Variants in IQCH observed in about 807,000 individuals in gnomAD.
IQCH encodes the protein IQ motif containing H, also known as IQ domain-containing protein H.
IQCH carries 98 observed loss-of-function variants against 117.0 expected under a neutral mutation model. The observed-to-expected ratio is 0.84, with a 90% CI of 0.71 to 0.99. The LOEUF (loss-of-function observed/expected upper bound fraction) is 0.99. IQCH is among the 50% of genes least tolerant of loss of function. The pLI, the probability that IQCH is intolerant of heterozygous loss-of-function variation, is 0.00. For synonymous variants in IQCH, 412 were observed against 448.2 expected (o/e 0.92, Z 1.02); for missense variants, 1,102 against 1,243.8 (o/e 0.89, Z 1.72).
intron 16 of IQCH, among the ~76,000 whole-genome samples, chr15:67,448,673 C>T (rs980805355): frequency 2.6e-5 from 4 of 151,976 alleles, no homozygotes; most frequent in African/African-American, 7.3e-5. Context: ...TGAGTAGTGC[C>T]GCAATAAACA....
At chr15:67,371,722 A>G (rs776653664) in intron 8 of IQCH, among the ~76,000 whole-genome samples, 1 of 152,230 alleles carries the variant, frequency 6.6e-6, no homozygotes, top group Non-Finnish European at 1.5e-5. Context: ...AGACTGGTGG[A>G]TAAGTTGTGA....
At chr15:67,410,571 T>A (rs1208132104) in intron 14 of IQCH, among the ~76,000 whole-genome samples, 1 of 152,250 alleles carries the variant, frequency 6.6e-6, no homozygotes, top group African/African-American at 2.4e-5. Context: ...ATTGGTCTAA[T>A]TGGGTCATTT....
chr15:67,276,538 T>C (rs1273462678), intron 3 of IQCH, among the ~76,000 whole-genome samples: 1 of 152,194 alleles, frequency 6.6e-6, no homozygotes, highest in Non-Finnish European at 1.5e-5. Context: ...GGCAACAAAT[T>C]CTCTTAGTTG....
Position 67,431,060 on chromosome 15 carries a change from G to A in IQCH, c.2505+9483G>A, listed in dbSNP as rs1375784111. Among the ~76,000 whole-genome samples, 3 of 152,106 alleles carry A rather than the reference G, an allele frequency of 2.0e-5. No individual in the cohort carries two copies. The East Asian group carries it at 5.8e-4, about 29-fold the overall frequency. The stretch of plus-strand genomic sequence containing the variant: ...GAAAGAAAATTAGGATATGAGGAGG[G>A]TAAGAAAGAGTGTATTCCAAGTGAG... On this transcript the variant is annotated intron_variant, in intron 16 of 20. Coordinates refer to ENST00000335894, the MANE Select transcript of IQCH (RefSeq NM_001031715.3). This position sits in a 1 kb window ranked among gnomAD's most constrained non-coding sequence, Gnocchi z 4.8.
chr15:67,385,013 A>G lies in IQCH; in HGVS notation c.1450A>G (p.Ile484Val), dbSNP rs748121925. The G allele has an allele frequency of 6.3e-7, 1 of 1,593,398 alleles. No homozygotes were observed. The highest frequency in any genetic ancestry group is 8.6e-7 in the Non-Finnish European group (1 of 1,161,474). Residue 484 changes from isoleucine to valine, a missense_variant, in exon 11 of 21, where the codon ATC (isoleucine) becomes GTC (valine). Physicochemically the swap from Ile to Val is conservative, Grantham distance 29. Around this residue, in one of 2 missense-constraint regions of IQCH, gnomAD observed 650 missense variants for 794.3 expected, o/e 0.82. Coordinates refer to ENST00000335894, the MANE Select transcript of IQCH (RefSeq NM_001031715.3). This position sits in a 1 kb window ranked among gnomAD's most constrained non-coding sequence, Gnocchi z 4.6. The stretch of plus-strand genomic sequence containing the variant: ...CATGCAGCTGGGGAGGCTGTGTGAC[A>G]TCTTAGGTACAGTAAATAGTTTTAC... ...QNMQLGRLCD[I>V]LDANVNVIYI...
intron 4 of IQCH, among the ~76,000 whole-genome samples, chr15:67,324,507 G>A (rs970523174): frequency 2.0e-5 from 3 of 151,736 alleles, no homozygotes; most frequent in African/African-American, 7.2e-5. Context: ...CTACTCAGGA[G>A]GCTGAGACAG....
chr15:67,278,250 G>A (rs1966211304), intron 3 of IQCH, among the ~76,000 whole-genome samples: 2 of 152,198 alleles, frequency 1.3e-5, no homozygotes, highest in African/African-American at 4.8e-5. Flanking sequence ...TTCCAAAATA[G>A]CTATTTCCTT....
chr15:67,263,004 C>T (rs1241116855), intron 2 of IQCH, 118 bp from the exon 3 acceptor site: 1 of 680,006 alleles, frequency 1.5e-6, no homozygotes, highest in African/African-American at 1.8e-5. Context: ...CGTAATAATA[C>T]ATAGCATGTT....
In IQCH at chr15:67,494,710, C is replaced by G. The variant is rs912531799; in HGVS notation, c.2970+344C>G. Among the ~76,000 whole-genome samples, 1 of 152,166 alleles carries G rather than the reference C, an allele frequency of 6.6e-6. No homozygotes were observed. The highest frequency in any genetic ancestry group is 1.9e-4 in the East Asian group (1 of 5,198). On this transcript the variant is annotated intron_variant, in intron 20 of 20. Transcript: ENST00000335894. The surrounding 1 kb of genome is among the most constrained non-coding windows in gnomAD (Gnocchi z 5.5). ...ACCAAAAATTGCGAATGTTATCTATCTATATTCCAGATAATACAAGGTCTG... is the reference window on the plus strand; with the variant it reads ...ACCAAAAATTGCGAATGTTATCTATGTATATTCCAGATAATACAAGGTCTG...
Position 67,359,991 on chromosome 15 carries a change from C to T in IQCH, c.753+106C>T. ...GTGACTGCTTGACAGCTGGAGATGG[C>T]AACAAAAGTTCGTGCTTCCTTTGTA... On this transcript the variant is annotated intron_variant, in intron 8 of 20. Transcript: ENST00000335894. The surrounding 1 kb of genome is among the most constrained non-coding windows in gnomAD (Gnocchi z 4.5). The T allele has an allele frequency of 2.7e-6, 2 of 742,130 alleles. No homozygotes were observed. Among genetic ancestry groups the T allele is most frequent in the Non-Finnish European group, 4.5e-6 (2 of 445,272 alleles). 46.0% of individuals were successfully genotyped at this position (742,130 alleles called of 1,614,324 possible). A position where few individuals can be genotyped will look rare whatever the true frequency, so the allele number is the denominator to read the frequency against.
At chr15:67,255,677 C>T (rs1236833580) in intron 1 of IQCH, among the ~76,000 whole-genome samples, 3 of 152,170 alleles carry the variant, frequency 2.0e-5, no homozygotes, top group East Asian at 3.8e-4. Context: ...GTCTTGAAGT[C>T]ATTTGTCTAA....
At chr15:67,286,658 G>A (rs1197623465) in intron 4 of IQCH, among the ~76,000 whole-genome samples, 2 of 151,908 alleles carry the variant, frequency 1.3e-5, no homozygotes, top group Admixed American at 6.6e-5. Context: ...CGCCCAGGCT[G>A]GAGTGCCATG....
chr15:67,354,934 G>A (rs567191760), intron 6 of IQCH, among the ~76,000 whole-genome samples: 8 of 152,284 alleles, frequency 5.3e-5, no homozygotes, highest in African/African-American at 1.9e-4. Context: ...GAAAATAGTG[G>A]TGTCAGTCTC....
intron 3 of IQCH, among the ~76,000 whole-genome samples, chr15:67,272,062 C>A: frequency 6.6e-6 from 1 of 152,016 alleles, no homozygotes; most frequent in East Asian, 1.9e-4. Flanking sequence ...TTGTTGTAAA[C>A]TTTCCTCTTA....
In IQCH at chr15:67,454,440, T is replaced by C. The variant is rs2082611981; in HGVS notation, c.2506-10687T>C. On this transcript the variant is annotated intron_variant, in intron 16 of 20. Coordinates refer to ENST00000335894, the MANE Select transcript of IQCH (RefSeq NM_001031715.3). This position sits in a 1 kb window ranked among gnomAD's most constrained non-coding sequence, Gnocchi z 5.2. ...CCAAAGTATTCAAAATTCACACTTTTAAAATATACATTACAATGGTTTTTA... is the reference window on the plus strand; with the variant it reads ...CCAAAGTATTCAAAATTCACACTTTCAAAATATACATTACAATGGTTTTTA... 6.6e-6 allele frequency among the ~76,000 whole-genome samples: 1 copy of C among 152,220 alleles called. No individual in the cohort carries two copies. The highest frequency in any genetic ancestry group is 1.5e-5 in the Non-Finnish European group (1 of 68,034).
chr15:67,328,196 T>C (rs550982546), intron 4 of IQCH, among the ~76,000 whole-genome samples: 1 of 152,284 alleles, frequency 6.6e-6, no homozygotes, highest in African/African-American at 2.4e-5. Context: ...TTTGTTATTA[T>C]TGTCTTCAGG....
At chr15:67,284,343 G>C (rs1966479074) in intron 4 of IQCH, among the ~76,000 whole-genome samples, 1 of 152,132 alleles carries the variant, frequency 6.6e-6, no homozygotes, top group Admixed American at 6.5e-5. Context: ...ATGAAGTCCA[G>C]TTCCATCCCT....
rs1335337243 is a variant in IQCH at position 67,500,269 on chromosome 15, A to G, written c.2971-364A>G. ...TTCTCAAATTATCCATAATAAGGAAACTATTTGTTTTGTTTTGATTTTATC... is the reference window on the plus strand; with the variant it reads ...TTCTCAAATTATCCATAATAAGGAAGCTATTTGTTTTGTTTTGATTTTATC... On this transcript the variant is annotated intron_variant, in intron 20 of 20. Coordinates refer to ENST00000335894, the MANE Select transcript of IQCH (RefSeq NM_001031715.3). The surrounding 1 kb of genome is among the most constrained non-coding windows in gnomAD (Gnocchi z 4.4). Among the ~76,000 whole-genome samples, 1 of 152,186 alleles carries G rather than the reference A, an allele frequency of 6.6e-6. No homozygotes were observed. Among genetic ancestry groups the G allele is most frequent in the Non-Finnish European group, 1.5e-5 (1 of 68,032 alleles).
Position 67,465,366 on chromosome 15 carries a change from T to A in IQCH, c.2676+69T>A. 1 of 1,496,584 alleles carries A rather than the reference T, an allele frequency of 6.7e-7. No individual in the cohort carries two copies. The highest frequency in any genetic ancestry group is 1.2e-5 in the South Asian group (1 of 85,220). The allele number at this position is 1,496,584 out of a possible 1,614,324, so 92.7% of individuals were successfully genotyped here. A position where few individuals can be genotyped will look rare whatever the true frequency, so the allele number is the denominator to read the frequency against. ...ACCCACTGCCACTGCCTGAGCTCTG[T>A]CTAGGAGCCAGGATCTTTGAGTACA... is the stretch of plus-strand genomic sequence containing the variant. On this transcript the variant is annotated intron_variant, in intron 17 of 20. Coordinates refer to ENST00000335894, the MANE Select transcript of IQCH (RefSeq NM_001031715.3). This position sits in a 1 kb window ranked among gnomAD's most constrained non-coding sequence, Gnocchi z 5.9.
Sources: allele counts gnomAD v4.1 joint callset (sites outside exome capture counted in the v4.1 genomes callset), GRCh38; gene constraint gnomAD v4.1.1; regional missense constraint gnomAD v4.1.1; non-coding constraint Gnocchi (gnomAD v3.1); transcripts MANE v1.5; gene names NCBI Gene and HGNC (gene_info 2026-07-23, HGNC 2026-07-21).